The following PTPRG variants were observed in gnomAD, a reference collection of about 807,000 sequenced individuals.
The protein encoded by PTPRG is protein tyrosine phosphatase receptor type G, also known as receptor-type tyrosine-protein phosphatase gamma.
A neutral mutation model predicts 165.3 loss-of-function variants in PTPRG; 102 were observed. The observed-to-expected ratio is 0.62, with a 90% CI of 0.53 to 0.73. The LOEUF is 0.73. Among genes scored for constraint, PTPRG ranks in the 30% least tolerant of loss-of-function variants. PTPRG has a pLI of 0.00. For synonymous variants in PTPRG, 675 were observed against 669.5 expected (o/e 1.01, Z -0.13); for missense variants, 1,866 against 1,861.4 (o/e 1.00, Z -0.05).
chr3:62,201,171 A>G (rs1353401851), intron 10 of PTPRG, among the ~76,000 whole-genome samples: 4 of 152,220 alleles, frequency 2.6e-5, no homozygotes, highest in Admixed American at 6.5e-5. Context: ...AATTCATTCA[A>G]CTATACACCT....
intron 2 of PTPRG, chr3:61,750,943 G>T: frequency 6.6e-6 from 1 of 152,332 alleles, no homozygotes. Flanking sequence ...AATCAGATAG[G>T]AGAGTCATTT....
rs575601680 is a variant in PTPRG at position 62,195,230 on chromosome 3, C to T, written c.1327+60C>T. 113 of 1,384,482 alleles carry T rather than the reference C, an allele frequency of 8.2e-5. No individual in the cohort carries two copies. In the African/African-American group the frequency reaches 1.4e-3, roughly 17 times the overall value. The allele number at this position is 1,384,482 out of a possible 1,614,324, so 85.8% of individuals were successfully genotyped here. The stretch of plus-strand genomic sequence containing the variant: ...CCCTGAGACTCCCTCCCAATGCTTT[C>T]TGCTTCTTCCTGCTCAGGTGCTGGG... On this transcript the variant is annotated intron_variant, in intron 10 of 29. Transcript: ENST00000474889. The surrounding 1 kb of genome is among the most constrained non-coding windows in gnomAD (Gnocchi z 4.4).
chr3:61,729,339 G>C (rs2032397786), intron 1 of PTPRG, among the ~76,000 whole-genome samples: 1 of 152,176 alleles, frequency 6.6e-6, no homozygotes, highest in African/African-American at 2.4e-5. Flanking sequence ...TGATTGTCCT[G>C]TGTTCTTTCC....
At chr3:62,080,535 C>T (rs926445628) in intron 5 of PTPRG, among the ~76,000 whole-genome samples, 1 of 152,164 alleles carries the variant, frequency 6.6e-6, no homozygotes, top group African/African-American at 2.4e-5. Flanking sequence ...GCTCCTGTGG[C>T]CCTGCCGTCA....
At chr3:62,292,253 G>C (rs559456761) in intron 28 of PTPRG, among the ~76,000 whole-genome samples, 168 bp from the exon 29 acceptor site, 1 of 152,172 alleles carries the variant, frequency 6.6e-6, no homozygotes, top group African/African-American at 2.4e-5. Flanking sequence ...TCACCTTTAT[G>C]CTAGCTTCCA....
chr3:61,763,720 A>G (rs964915146), intron 2 of PTPRG, among the ~76,000 whole-genome samples: 1 of 152,120 alleles, frequency 6.6e-6, no homozygotes, highest in East Asian at 1.9e-4. Context: ...AATAAAGGAA[A>G]ATGTTCTAGG....
At chr3:61,779,600 C>G (rs930697405) in intron 2 of PTPRG, among the ~76,000 whole-genome samples, 2 of 152,126 alleles carry the variant, frequency 1.3e-5, no homozygotes, top group Admixed American at 6.5e-5. Flanking sequence ...TAGGCATGTT[C>G]CACCTCAGAG....
chr3:62,110,816 G>C (rs906583955), intron 5 of PTPRG, among the ~76,000 whole-genome samples: 1 of 152,166 alleles, frequency 6.6e-6, no homozygotes, highest in African/African-American at 2.4e-5. Context: ...AATTGCGAGG[G>C]CTGTAAGTTG....
rs530023136 is a variant in PTPRG at position 62,277,742 on chromosome 3, G to C, written c.3765+63G>C. 308 of 1,592,714 alleles carry C rather than the reference G, an allele frequency of 1.9e-4. 3 individuals are homozygous for C. Among genetic ancestry groups the C allele is most frequent in the Non-Finnish European group, 8.0e-5 (94 of 1,169,804 alleles). ...TGAGGCTACAAGCATAAATTACTTT[G>C]ATACTTTGCCATAGGGCTATAGTAT... On this transcript the variant is annotated intron_variant, in intron 26 of 29. Transcript: ENST00000474889.
intron 2 of PTPRG, among the ~76,000 whole-genome samples, chr3:61,952,607 C>A (rs576597149): frequency 6.6e-6 from 1 of 152,118 alleles, no homozygotes; most frequent in East Asian, 1.9e-4. Flanking sequence ...TCCTTGACGC[C>A]GGAGTTCTCA....
intron 8 of PTPRG, among the ~76,000 whole-genome samples, chr3:62,184,179 G>A (rs1221080331): frequency 6.6e-6 from 1 of 152,190 alleles, no homozygotes; most frequent in African/African-American, 2.4e-5. Context: ...TGATCCGAGA[G>A]GAATGCACAG....
At chr3:61,899,317 A>T (rs1288285614) in intron 2 of PTPRG, among the ~76,000 whole-genome samples, 1 of 152,188 alleles carries the variant, frequency 6.6e-6, no homozygotes, top group East Asian at 1.9e-4. Flanking sequence ...AGAAGAATGA[A>T]AAATAGGAGG....
intron 1 of PTPRG, among the ~76,000 whole-genome samples, chr3:61,745,238 G>C (rs543666601): frequency 2.6e-5 from 4 of 151,856 alleles, no homozygotes; most frequent in African/African-American, 4.8e-5. Context: ...TAGTAGAGAC[G>C]AGGTTTCACC....
chr3:62,006,821 G>A (rs2041308454), intron 4 of PTPRG, among the ~76,000 whole-genome samples: 1 of 152,136 alleles, frequency 6.6e-6, no homozygotes, highest in Admixed American at 6.6e-5. Flanking sequence ...GTAAAGGACA[G>A]CCCCCACTAA....
rs759710535 is a variant in PTPRG, at chr3:62,269,025, C to G, written c.2875-10C>G. ...TGCAGTTATACTTTACAACTTTTTTCTTTCTGCAGCGAAAATGTGATCAGT... is the reference window on the plus strand; with the variant it reads ...TGCAGTTATACTTTACAACTTTTTTGTTTCTGCAGCGAAAATGTGATCAGT... On this transcript the variant is annotated splice_polypyrimidine_tract_variant and intron_variant, in intron 19 of 29. Transcript: ENST00000474889. The G allele has an allele frequency of 2.0e-5, 31 of 1,531,638 alleles. No homozygotes were observed. The highest frequency in any genetic ancestry group is 2.7e-5 in the Non-Finnish European group (31 of 1,129,914). The allele number at this position is 1,531,638 out of a possible 1,614,324, so 94.9% of individuals were successfully genotyped here.
intron 2 of PTPRG, among the ~76,000 whole-genome samples, chr3:61,853,980 C>G (rs745378378): frequency 2.6e-5 from 4 of 152,140 alleles, no homozygotes; most frequent in Non-Finnish European, 4.4e-5. Flanking sequence ...ATGGCCACAT[C>G]AAAGTCCTTC....
intron 2 of PTPRG, among the ~76,000 whole-genome samples, chr3:61,772,687 T>A (rs150623537): frequency 0.01 from 1,574 of 152,336 alleles, 34 homozygotes; most frequent in African/African-American, 0.036. Flanking sequence ...ACTGCATCTG[T>A]TCTGCAGTGT....
rs112299976 is a variant in PTPRG, at chr3:61,650,215, C to T, written c.85+87843C>T. Among the ~76,000 whole-genome samples, 1,031 of 152,204 alleles carry T rather than the reference C, an allele frequency of 6.8e-3. 9 individuals carry two copies. Among genetic ancestry groups the T allele is most frequent in the African/African-American group, 0.024 (983 of 41,522 alleles). On this transcript the variant is annotated intron_variant, in intron 1 of 29. Coordinates refer to ENST00000474889, the MANE Select transcript of PTPRG (RefSeq NM_002841.4). Reference sequence around the variant, plus strand: ...GCTGCTGAGAAATTATCTTTTAATACATAAGGGTTACAAAACCAAATCAAG... The same window carrying T: ...GCTGCTGAGAAATTATCTTTTAATATATAAGGGTTACAAAACCAAATCAAG...
chr3:61,635,326 A>T (rs993052793), intron 1 of PTPRG, among the ~76,000 whole-genome samples: 35 of 148,816 alleles, frequency 2.4e-4, no homozygotes, highest in Middle Eastern at 3.6e-3. Flanking sequence ...TACCCTATAA[A>T]GTATTAATTT....
Sources: gnomAD v4.1 joint callset for allele counts (sites outside exome capture counted in the v4.1 genomes callset) on GRCh38, gnomAD v4.1.1 for gene constraint, Gnocchi (gnomAD v3.1) non-coding constraint, MANE v1.5 for transcripts, NCBI Gene and HGNC (gene_info 2026-07-23, HGNC 2026-07-21) for gene names.